Variants in CEACAM4 observed in about 807,000 individuals in gnomAD.
The protein encoded by CEACAM4 is CEA cell adhesion molecule 4.
CEACAM4 carries 30 observed loss-of-function variants against 28.7 expected under a neutral mutation model. That is an observed-to-expected ratio of 1.05 (90% CI 0.78 to 1.42). CEACAM4 has a LOEUF of 1.42. Among genes scored for constraint, CEACAM4 ranks in the 40% most tolerant of loss-of-function variants. The pLI is 0.00. For synonymous variants in CEACAM4, 143 were observed against 126.5 expected (o/e 1.13, Z -0.87); for missense variants, 330 against 308.2 (o/e 1.07, Z -0.53).
chr19:41,620,014 G>C (rs77058545), intron 5 of CEACAM4, among the ~76,000 whole-genome samples, 197 bp downstream of exon 5: 1 of 152,158 alleles, frequency 6.6e-6, no homozygotes, highest in African/African-American at 2.4e-5. Context: ...AGAGGGTCCC[G>C]GGGAGGGGTC....
Position 41,625,861 on chromosome 19 carries a change from G to A in CEACAM4, c.164C>T (p.Ala55Val), listed in dbSNP as rs1568661432. The change falls in exon 2 of 7, where the codon GCC becomes GTC. Residue 55 changes from alanine to valine, a missense_variant. Physicochemically the swap from Ala to Val is moderately conservative, Grantham distance 64. Transcript: ENST00000221954. ...TTGAATAGTTTCTGAAATATTGCAG[G>A]CCAGTAGAAGAACATCCTTTCCCTC... ...AAEGKDVLLL[A>V]CNISETIQAY... 1 of 1,613,970 alleles carries A rather than the reference G, an allele frequency of 6.2e-7. No individual in the cohort carries two copies. Among genetic ancestry groups the A allele is most frequent in the Non-Finnish European group, 8.5e-7 (1 of 1,179,984 alleles).
At chr19:41,614,980 G>A (rs1341694651), downstream of CEACAM4, among the ~76,000 whole-genome samples, 1 of 150,462 alleles carries the variant, frequency 6.6e-6, no homozygotes, top group Non-Finnish European at 1.5e-5. Context: ...AAGGGAAGGG[G>A]AAGGGGAAGG....
chr19:41,626,118 G>C (rs797036080), intron 1 of CEACAM4, among the ~76,000 whole-genome samples, 158 bp from the exon 2 acceptor site: 37 of 117,700 alleles, frequency 3.1e-4, no homozygotes, highest in African/African-American at 1.1e-3. Context: ...GTGTGTGTGT[G>C]TGTGTGTCCC....
rs1229587212 is a variant in CEACAM4 at position 41,626,061 on chromosome 19, GGAGT to G, written c.65-105_65-102del. 17 of 700,112 alleles carry G rather than the reference GGAGT, an allele frequency of 2.4e-5. No homozygotes were observed. In the Admixed American group the frequency reaches 3.9e-4, roughly 16 times the overall value. The allele number at this position is 700,112 out of a possible 1,614,324, so 43.4% of individuals were successfully genotyped here. A position where few individuals can be genotyped will look rare whatever the true frequency, so the allele number is the denominator to read the frequency against. ...GCAGGTCTCCTCATCCCTCAGCCTT[GGAGT>G]GTGTGTGTGTGTGTGTGTGTGTGTG... On this transcript the variant is annotated intron_variant, in intron 1 of 6. Transcript: ENST00000221954.
chr19:41,614,881 GT>G (rs1389755972), downstream of CEACAM4, among the ~76,000 whole-genome samples: 1 of 136,678 alleles, frequency 7.3e-6, no homozygotes, highest in East Asian at 2.6e-4. Flanking sequence ...GGATGGGTAT[GT>G]TTGGCTTTAT....
At chr19:41,617,459 G>A, downstream of CEACAM4, among the ~76,000 whole-genome samples, 1 of 152,204 alleles carries the variant, frequency 6.6e-6, no homozygotes, top group East Asian at 1.9e-4. Context: ...TCTCAAAGAT[G>A]TGTACATCCT....
rs781951662 is a variant in CEACAM4 at position 41,621,650 on chromosome 19, C to T, written c.542+1G>A. 4 of 1,565,022 alleles carry T rather than the reference C, an allele frequency of 2.6e-6. No homozygotes were observed. Among genetic ancestry groups the T allele is most frequent in the Non-Finnish European group, 3.5e-6 (4 of 1,136,308 alleles). On this transcript the variant is annotated splice_donor_variant, in intron 3 of 6. Transcript: ENST00000221954. LOFTEE classifies it high-confidence loss of function. ...AGGAGGCTGGGGAAAAGCTGCGGTA[C>T]CTTCCAGTCCTGGAGAGAAGCAGAA...
Position 41,625,819 on chromosome 19 carries a change from T to C in CEACAM4, c.206A>G (p.Lys69Arg), listed in dbSNP as rs3848568. ...AGGGCTCCCTTCTGCCGTTTTCCCCTTGTGCCAATAATAGGCTTGAATAGT... is the reference window on the plus strand; with the variant it reads ...AGGGCTCCCTTCTGCCGTTTTCCCCCTGTGCCAATAATAGGCTTGAATAGT... ...SETIQAYYWHKGKTAEGSPLI... is the reference protein window; with the variant it reads ...SETIQAYYWHRGKTAEGSPLI... The change falls in exon 2 of 7, where the codon AAG (lysine) becomes AGG (arginine). Residue 69 changes from lysine to arginine, a missense_variant. Transcript: ENST00000221954. 0.036 allele frequency: 58,040 copies of C among 1,613,808 alleles called. 4,143 individuals are homozygous for C. Among genetic ancestry groups the C allele is most frequent in the African/African-American group, 0.29 (21,832 of 74,848 alleles).
chr19:41,620,429 C>T (rs1262786095), intron 4 of CEACAM4, 146 bp downstream of exon 4: 1 of 850,876 alleles, frequency 1.2e-6, no homozygotes, highest in Non-Finnish European at 1.8e-6. Flanking sequence ...CTGAACAAGA[C>T]AGTCGGGGTC....
downstream of CEACAM4, among the ~76,000 whole-genome samples, chr19:41,614,245 A>G (rs2070963308): frequency 6.6e-6 from 1 of 152,220 alleles, no homozygotes; most frequent in Admixed American, 6.5e-5. Flanking sequence ...CATGTGGAGT[A>G]CTGTTCCTGG....
At position 41,619,338 on chromosome 19, in the gene CEACAM4, C is replaced by T. The variant is rs782153195; in HGVS notation, c.727G>A (p.Val243Ile). Reference protein sequence around the residue: ...YCQIDHKADVVS With the variant: ...YCQIDHKADVIS Reference sequence around the variant, plus strand: ...GCAGCTCCCAGAGGAACCTAAGAGACCACATCTGCTTTGTGGTCGATCTGG... The same window carrying T: ...GCAGCTCCCAGAGGAACCTAAGAGATCACATCTGCTTTGTGGTCGATCTGG... Residue 243 changes from valine to isoleucine, a missense_variant, in exon 7 of 7, where the codon GTC becomes ATC. By Grantham distance (29) the Val-to-Ile change is conservative. Coordinates refer to ENST00000221954, the MANE Select transcript of CEACAM4 (RefSeq NM_001817.4). The T allele has an allele frequency of 6.2e-7, 1 of 1,613,940 alleles. No individual in the cohort carries two copies. The highest frequency in any genetic ancestry group is 8.5e-7 in the Non-Finnish European group (1 of 1,179,820).
intron 3 of CEACAM4, 105 bp downstream of exon 3, chr19:41,621,546 T>C: frequency 1.6e-6 from 1 of 636,260 alleles, no homozygotes; most frequent in Non-Finnish European, 2.9e-6. Flanking sequence ...AAGGATTCCT[T>C]GGGAGGATGC....
chr19:41,620,474 C>T, intron 4 of CEACAM4, 101 bp downstream of exon 4: 1 of 1,039,018 alleles, frequency 9.6e-7, no homozygotes, highest in Non-Finnish European at 1.4e-6. Flanking sequence ...CTCCTTGCAG[C>T]CCCAAAGAAA....
In CEACAM4 at chr19:41,619,681, G is replaced by T; in HGVS notation, c.658C>A (p.Pro220Thr). 6.3e-7 allele frequency: 1 copy of T among 1,594,404 alleles called. No homozygotes were observed. Among genetic ancestry groups the T allele is most frequent in the Non-Finnish European group, 8.5e-7 (1 of 1,169,936 alleles). The change falls in exon 6 of 7, where the codon CCC becomes ACC. Residue 220 changes from proline to threonine, a missense_variant. Pro to Thr is a conservative substitution (Grantham distance 38). Transcript: ENST00000221954. ...TGGCCCACACTCACCTCATAGATGG[G>T]AGTGGCTGTTCTGGGGCTGGGTAGA... ...APLPSPRTAT[P>T]IYEELLYSDA... is the part of the protein sequence containing the mutation.
downstream of CEACAM4, among the ~76,000 whole-genome samples, chr19:41,616,480 AGATAGAT>A (rs2070983486): frequency 6.7e-6 from 1 of 148,184 alleles, no homozygotes; most frequent in East Asian, 2.0e-4. Flanking sequence ...ACATACATAT[AGATAGAT>A]GATAGATAGA....
At position 41,626,980 on chromosome 19, in the gene CEACAM4, T is replaced by C. The variant is rs1006182358; in HGVS notation, c.-17A>G. 6.3e-6 allele frequency: 10 copies of C among 1,595,932 alleles called. No individual in the cohort carries two copies. Among genetic ancestry groups the C allele is most frequent in the Admixed American group, 1.7e-5 (1 of 57,512 alleles). ...GGGGCCCATGGTCTCTGCTGCCTGC[T>C]TGTCCTCTGTGGAGAGGAGCTGGGC... is the stretch of plus-strand genomic sequence containing the variant. On this transcript the variant is annotated 5_prime_UTR_variant, in exon 1 of 7. Coordinates refer to ENST00000221954, the MANE Select transcript of CEACAM4 (RefSeq NM_001817.4).
At chr19:41,623,541 T>TG (rs1568655868) in intron 2 of CEACAM4, among the ~76,000 whole-genome samples, 1 of 145,486 alleles carries the variant, frequency 6.9e-6, no homozygotes, top group South Asian at 2.2e-4. Context: ...CGGTGGTGAG[T>TG]GGGGGGAGGG....
chr19:41,622,106 C>G (rs1555801834), intron 2 of CEACAM4, among the ~76,000 whole-genome samples: 1 of 151,588 alleles, frequency 6.6e-6, no homozygotes, highest in Non-Finnish European at 1.5e-5. Context: ...TGGATGGAGT[C>G]TTGCTCTGTC....
rs2071288946 is a variant in CEACAM4 at position 41,621,567 on chromosome 19, G to A, written c.542+84C>T. 1.5e-5 allele frequency: 11 copies of A among 710,456 alleles called. No homozygotes were observed. The East Asian group carries it at 2.8e-4, about 18-fold the overall frequency. 44.0% of individuals were successfully genotyped at this position (710,456 alleles called of 1,614,324 possible). ...TCCTTGGGAGGATGCGGAAAGCCTG[G>A]CCCTGAATACAGGGCGGGGTCTCCC... On this transcript the variant is annotated intron_variant, in intron 3 of 6. Transcript: ENST00000221954.
Sources: allele counts gnomAD v4.1 joint callset (sites outside exome capture counted in the v4.1 genomes callset), GRCh38; gene constraint gnomAD v4.1.1; transcripts MANE v1.5; gene names NCBI Gene and HGNC (gene_info 2026-07-23, HGNC 2026-07-21).